The following ZFP64 variants were observed in gnomAD, a reference collection of about 807,000 sequenced individuals.
The protein encoded by ZFP64 is zinc finger protein 64.
ZFP64 carries 14 observed loss-of-function variants against 51.6 expected under a neutral mutation model. The observed-to-expected ratio is 0.27, with a 90% CI of 0.18 to 0.42. The LOEUF is 0.42. ZFP64 is among the 10% of genes least tolerant of loss of function. ZFP64 has a pLI of 1.00. For missense variants in ZFP64, 754 were observed against 906.8 expected, an observed-to-expected ratio of 0.83 and a Z score of 2.16; for synonymous variants, 375 against 361.4, an observed-to-expected ratio of 1.04 and a Z score of -0.43.
At chr20:52,114,969 AG>A (rs551581439) in intron 5 of ZFP64, among the ~76,000 whole-genome samples, 91 of 152,236 alleles carry the variant, frequency 6.0e-4, no homozygotes, top group African/African-American at 2.1e-3. Flanking sequence ...AGGCCGAGGC[AG>A]GCAGATCACG....
Position 52,151,592 on chromosome 20 carries a change from T to C in ZFP64, c.*554A>G, listed in dbSNP as rs1980800433. ...ACTTAATGCATTTAATTCCAACCCCTCATTGGAATCATCTTGGTAACATTT... is the reference window on the plus strand; with the variant it reads ...ACTTAATGCATTTAATTCCAACCCCCCATTGGAATCATCTTGGTAACATTT... On this transcript the variant is annotated 3_prime_UTR_variant, in exon 6 of 6. Transcript: ENST00000216923. The C allele has an allele frequency of 1.0e-6, 1 of 986,336 alleles. No individual in the cohort carries two copies. Among genetic ancestry groups the C allele is most frequent in the Non-Finnish European group, 1.2e-6 (1 of 830,608 alleles). 61.1% of individuals were successfully genotyped at this position (986,336 alleles called of 1,614,324 possible).
Position 52,191,672 on chromosome 20 carries a change from G to T in ZFP64, c.-36C>A, listed in dbSNP as rs374294065. 8.3e-6 allele frequency: 13 copies of T among 1,567,332 alleles called. No individual in the cohort carries two copies. The highest frequency in any genetic ancestry group is 1.0e-5 in the Non-Finnish European group (12 of 1,160,962). On this transcript the variant is annotated 5_prime_UTR_variant, in exon 1 of 6. Coordinates refer to ENST00000216923, the MANE Select transcript of ZFP64 (RefSeq NM_018197.3). The surrounding 1 kb of genome is among the most constrained non-coding windows in gnomAD (Gnocchi z 4.3). ...TGGGAGGTCCCCGGCCGGCCGGGAT[G>T]CCAAAGTGGGGGACGCTGATCTACA...
At chr20:52,098,570 C>T (rs763730131) in exon 6 of ZFP64, 1 of 1,614,084 alleles carries the variant, frequency 6.2e-7, no homozygotes, top group Non-Finnish European at 8.5e-7. Flanking sequence ...TTTGGAACAT[C>T]ATCATCAAGT....
In ZFP64 at chr20:52,169,204, T is replaced by G. The variant is rs112756593; in HGVS notation, c.287-3179A>C. On this transcript the variant is annotated intron_variant, in intron 2 of 5. Coordinates refer to ENST00000216923, the MANE Select transcript of ZFP64 (RefSeq NM_018197.3). ...AGCACAGGATGTGGCCATGGTTGAA[T>G]CTCAATAAATGTCAACAGGGATATA... Among the ~76,000 whole-genome samples, 326 of 152,302 alleles carry G rather than the reference T, an allele frequency of 2.1e-3. 1 individual carries two copies. Among genetic ancestry groups the G allele is most frequent in the African/African-American group, 7.4e-3 (309 of 41,564 alleles).
intron 2 of ZFP64, among the ~76,000 whole-genome samples, chr20:52,167,110 C>T (rs934205600): frequency 2.6e-5 from 4 of 151,740 alleles, no homozygotes; most frequent in East Asian, 1.9e-4. Flanking sequence ...GGATCACCTG[C>T]GGTCAGGAGT....
At chr20:52,183,579 C>A (rs1180420956) in intron 2 of ZFP64, among the ~76,000 whole-genome samples, 1 of 152,286 alleles carries the variant, frequency 6.6e-6, no homozygotes, top group Non-Finnish European at 1.5e-5. Flanking sequence ...TCCTACCAGG[C>A]CCACTTTTAA....
intron 5 of ZFP64, among the ~76,000 whole-genome samples, chr20:52,126,307 G>A (rs1330426065): frequency 6.6e-6 from 1 of 152,112 alleles, no homozygotes; most frequent in Non-Finnish European, 1.5e-5. Flanking sequence ...GTTATTTCAC[G>A]CATCTGGGTC....
intron 5 of ZFP64, among the ~76,000 whole-genome samples, chr20:52,115,511 C>T (rs557855490): frequency 1.7e-3 from 254 of 150,716 alleles, no homozygotes; most frequent in African/African-American, 6.0e-3. Flanking sequence ...ACTTCCCAGG[C>T]TCCAGTGATC....
intron 5 of ZFP64, chr20:52,117,555 G>T: frequency 2.3e-6 from 1 of 431,014 alleles, no homozygotes; most frequent in South Asian, 1.7e-5. Context: ...GGAGGTGGAG[G>T]TTGTGGTGAG....
intron 5 of ZFP64, among the ~76,000 whole-genome samples, chr20:52,112,790 A>T (rs1216049095): frequency 4.6e-5 from 7 of 151,420 alleles, no homozygotes; most frequent in Admixed American, 1.3e-4. Flanking sequence ...TAATTTTTGT[A>T]TTTTTTTGTA....
intron 7 of ZFP64, chr20:52,089,055 T>C (rs758448870): frequency 9.6e-6 from 5 of 519,588 alleles, no homozygotes; most frequent in Non-Finnish European, 1.9e-5. Context: ...CCTAGGCTGT[T>C]GGTCAAAGGG....
chr20:52,178,894 C>A (rs1983424253), intron 2 of ZFP64, among the ~76,000 whole-genome samples: 1 of 152,118 alleles, frequency 6.6e-6, no homozygotes, highest in Non-Finnish European at 1.5e-5. Context: ...ACAACTAAAT[C>A]CTCCTCCCCT....
chr20:52,095,364 G>A (rs149134292), intron 7 of ZFP64, among the ~76,000 whole-genome samples: 13 of 152,296 alleles, frequency 8.5e-5, no homozygotes, highest in Non-Finnish European at 1.2e-4. Context: ...GGATGACAAC[G>A]CAAAGCAACA....
chr20:52,106,000 G>T (rs112278273), intron 5 of ZFP64, among the ~76,000 whole-genome samples: 2 of 152,190 alleles, frequency 1.3e-5, no homozygotes, highest in South Asian at 2.1e-4. Context: ...GTCTCCAACT[G>T]CAGGGAGAAA....
chr20:52,126,977 C>A (rs893268580), intron 5 of ZFP64, among the ~76,000 whole-genome samples: 4 of 143,424 alleles, frequency 2.8e-5, no homozygotes, highest in Non-Finnish European at 6.0e-5. Context: ...TTTTTTAAGA[C>A]AGTCTTGCTC....
intron 2 of ZFP64, among the ~76,000 whole-genome samples, chr20:52,177,023 T>TTCC (rs1449318419): frequency 6.6e-6 from 1 of 152,076 alleles, no homozygotes; most frequent in Non-Finnish European, 1.5e-5. Context: ...GGAACAGAGC[T>TTCC]TCCTCCCACA....
chr20:52,131,782 A>C (rs1270537876), intron 5 of ZFP64, among the ~76,000 whole-genome samples: 1 of 152,216 alleles, frequency 6.6e-6, no homozygotes, highest in African/African-American at 2.4e-5. Flanking sequence ...TGGAGACTTC[A>C]ACACCCCACT....
intron 7 of ZFP64, among the ~76,000 whole-genome samples, chr20:52,092,195 G>A (rs918015687): frequency 6.6e-6 from 1 of 152,124 alleles, no homozygotes. Context: ...AAAAAGAGAG[G>A]ATACCAACAG....
intron 2 of ZFP64, among the ~76,000 whole-genome samples, chr20:52,171,920 G>T (rs949844680): frequency 1.3e-5 from 2 of 151,878 alleles, no homozygotes; most frequent in South Asian, 2.1e-4. Context: ...GCTAGTTTTT[G>T]TATTTTTAGT....
Sources: allele counts gnomAD v4.1 joint callset (sites outside exome capture counted in the v4.1 genomes callset), GRCh38; gene constraint gnomAD v4.1.1; non-coding constraint Gnocchi (gnomAD v3.1); transcripts MANE v1.5; gene names NCBI Gene and HGNC (gene_info 2026-07-23, HGNC 2026-07-21).